The following MND1 variants were observed in gnomAD, a reference collection of about 807,000 sequenced individuals.
The protein encoded by MND1 is meiotic nuclear division protein 1 homolog.
Under a neutral mutation model 35.1 loss-of-function variants are expected in MND1, and 28 were observed. The ratio of observed to expected loss-of-function variants is 0.80; its 90% CI spans 0.59 to 1.09. MND1 has a LOEUF of 1.09. Ranked by LOEUF, MND1 falls within the 50% of genes least tolerant of loss-of-function variation. The pLI is 0.00. For synonymous variants in MND1, 69 were observed against 70.5 expected (o/e 0.98, Z 0.11); for missense variants, 213 against 239.6 (o/e 0.89, Z 0.73).
In MND1 at chr4:153,385,679, G is replaced by A. The variant is rs548232235; in HGVS notation, c.277-8583G>A. Among the ~76,000 whole-genome samples, 414 of 142,026 alleles carry A rather than the reference G, an allele frequency of 2.9e-3. 2 individuals are homozygous for A. Among genetic ancestry groups the A allele is most frequent in the African/African-American group, 0.01 (385 of 37,804 alleles). The allele number at this position is 142,026 out of a possible 152,430, so 93.2% of individuals were successfully genotyped here. ...TGCAGTGAGCCACAATCATGCCACC[G>A]CACTCTAGCCTGGGTGACAGAGTGA... On this transcript the variant is annotated intron_variant, in intron 4 of 7. Coordinates refer to ENST00000240488, the MANE Select transcript of MND1 (RefSeq NM_032117.4).
intron 7 of MND1, among the ~76,000 whole-genome samples, chr4:153,411,256 C>T (rs1432899433): frequency 1.3e-5 from 2 of 152,116 alleles, no homozygotes; most frequent in Admixed American, 1.3e-4. Context: ...GTTATGAGGG[C>T]CCAACCTAGA....
intron 4 of MND1, among the ~76,000 whole-genome samples, chr4:153,387,737 G>A (rs931865168): frequency 6.6e-6 from 1 of 152,024 alleles, no homozygotes; most frequent in South Asian, 2.1e-4. Context: ...GTGACAGAAC[G>A]AGACCCTGTC....
At chr4:153,350,247 T>C (rs1773181186) in intron 2 of MND1, 118 bp downstream of exon 2, 2 of 680,946 alleles carry the variant, frequency 2.9e-6, no homozygotes, top group South Asian at 4.6e-5. Flanking sequence ...TCTTGAAGAA[T>C]GGGTAAGATT....
At chr4:153,356,858 A>C (rs1322356090) in intron 3 of MND1, among the ~76,000 whole-genome samples, 1 of 151,870 alleles carries the variant, frequency 6.6e-6, no homozygotes, top group African/African-American at 2.4e-5. Flanking sequence ...GCTGGAGCCC[A>C]GTGGTCCAGG....
chr4:153,370,247 G>A (rs984011169), intron 4 of MND1, among the ~76,000 whole-genome samples: 5 of 151,754 alleles, frequency 3.3e-5, no homozygotes, highest in Non-Finnish European at 5.9e-5. Context: ...ACACCACTGC[G>A]CTCCAGCCTG....
chr4:153,370,953 G>C (rs576805750), intron 4 of MND1, among the ~76,000 whole-genome samples: 1 of 152,184 alleles, frequency 6.6e-6, no homozygotes, highest in African/African-American at 2.4e-5. Flanking sequence ...AATAAAACTT[G>C]AAAGTTGAAA....
intron 4 of MND1, among the ~76,000 whole-genome samples, chr4:153,385,464 C>A (rs1393727758): frequency 2.6e-5 from 4 of 151,956 alleles, no homozygotes; most frequent in Admixed American, 1.3e-4. Context: ...GCCTGTAATA[C>A]CAACACTTTG....
chr4:153,370,911 A>G (rs901147315), intron 4 of MND1, among the ~76,000 whole-genome samples: 2 of 152,080 alleles, frequency 1.3e-5, no homozygotes, highest in Non-Finnish European at 2.9e-5. Context: ...TCACTGTGGC[A>G]GTTATAGCCT....
chr4:153,348,587 T>G, intron 1 of MND1, among the ~76,000 whole-genome samples: 1 of 152,230 alleles, frequency 6.6e-6, no homozygotes, highest in Non-Finnish European at 1.5e-5. Flanking sequence ...AGCTATTTAT[T>G]TACCCATATT....
chr4:153,357,108 C>T (rs1046541502), intron 3 of MND1, among the ~76,000 whole-genome samples: 4 of 152,168 alleles, frequency 2.6e-5, no homozygotes, highest in African/African-American at 9.7e-5. Flanking sequence ...CAGGCATGAG[C>T]CACCATGCAT....
intron 4 of MND1, among the ~76,000 whole-genome samples, chr4:153,362,133 T>G (rs1250288682): frequency 6.6e-6 from 1 of 152,246 alleles, no homozygotes. Flanking sequence ...TATTTGGTCC[T>G]TTTTCAGTTC....
chr4:153,390,889 A>ATATATGTG (rs757236550), intron 4 of MND1, among the ~76,000 whole-genome samples: 2 of 139,774 alleles, frequency 1.4e-5, no homozygotes, highest in African/African-American at 5.2e-5. Flanking sequence ...AGGTATATAT[A>ATATATGTG]TGTGTGTGTG....
At chr4:153,346,017 CT>C (rs1373836013) in intron 1 of MND1, among the ~76,000 whole-genome samples, 1 of 152,212 alleles carries the variant, frequency 6.6e-6, no homozygotes, top group African/African-American at 2.4e-5. Flanking sequence ...TCTTTAGAAG[CT>C]TACCTCCGAT....
intron 4 of MND1, among the ~76,000 whole-genome samples, chr4:153,390,523 A>G (rs1171641213): frequency 6.6e-6 from 1 of 152,176 alleles, no homozygotes; most frequent in Non-Finnish European, 1.5e-5. Flanking sequence ...GATGTATAGT[A>G]CCTGAAAGAC....
intron 1 of MND1, among the ~76,000 whole-genome samples, chr4:153,346,357 A>AT (rs1434523108): frequency 2.0e-5 from 3 of 152,164 alleles, no homozygotes; most frequent in Admixed American, 6.5e-5. Context: ...AGATAACATG[A>AT]TTTTTTAAGT....
At chr4:153,381,693 T>TAATATATATAATATAATATATATATA (rs1491188331) in intron 4 of MND1, 2 of 12,084 alleles carry the variant, frequency 1.7e-4, no homozygotes, top group Admixed American at 1.6e-3. Flanking sequence ...TATATATATA[T>TAATATATATAATATAATATATATATA]TTTTTTTTTT....
At chr4:153,378,298 A>G (rs192157869) in intron 4 of MND1, among the ~76,000 whole-genome samples, 1 of 152,326 alleles carries the variant, frequency 6.6e-6, no homozygotes, top group Admixed American at 6.5e-5. Flanking sequence ...CAGCTTCAGA[A>G]ATACATATTG....
chr4:153,383,530 C>G (rs1293354396), intron 4 of MND1, among the ~76,000 whole-genome samples: 2 of 152,140 alleles, frequency 1.3e-5, no homozygotes, highest in African/African-American at 4.8e-5. Context: ...TTTACCTCCT[C>G]TCTCTTTCTC....
chr4:153,398,308 G>A (rs1729254516), intron 6 of MND1, among the ~76,000 whole-genome samples: 1 of 152,140 alleles, frequency 6.6e-6, no homozygotes, highest in South Asian at 2.1e-4. Flanking sequence ...ACTTTACCAA[G>A]TGAAACTCAT....
Sources: allele counts gnomAD v4.1 joint callset (sites outside exome capture counted in the v4.1 genomes callset), GRCh38; gene constraint gnomAD v4.1.1; transcripts MANE v1.5; gene names NCBI Gene and HGNC (gene_info 2026-07-23, HGNC 2026-07-21).